The following OLFM4 variants were observed in gnomAD, a reference collection of about 807,000 sequenced individuals.
OLFM4 encodes the protein olfactomedin-4.
Under a neutral mutation model 25.5 loss-of-function variants are expected in OLFM4, and 22 were observed. The observed-to-expected ratio is 0.86, with a 90% CI of 0.62 to 1.23. The LOEUF (loss-of-function observed/expected upper bound fraction) is 1.23, where lower values mean the gene tolerates loss of function less well. Ranked by LOEUF, OLFM4 falls within the 50% of genes most tolerant of loss-of-function variation. The probability of loss-of-function intolerance (pLI) is 0.00; values close to 1 mark genes in which losing one functional copy is unlikely to be tolerated. For synonymous variants in OLFM4, 255 were observed against 237.7 expected (o/e 1.07, Z -0.67); for missense variants, 594 against 619.4 (o/e 0.96, Z 0.44).
At chr13:53,040,419 C>T (rs9568798) in intron 2 of OLFM4, among the ~76,000 whole-genome samples, 46,758 of 152,114 alleles carry the variant, frequency 0.31, 7,333 homozygotes, top group African/African-American at 0.35. Context: ...GGTTGGATCT[C>T]TATGCCACTT....
At chr13:53,037,865 A>G (rs1211588636) in intron 2 of OLFM4, among the ~76,000 whole-genome samples, 2 of 152,248 alleles carry the variant, frequency 1.3e-5, no homozygotes, top group Non-Finnish European at 2.9e-5. Context: ...TGGCAGAAAC[A>G]TGAACCAGAT....
In OLFM4 at chr13:53,050,835, T is replaced by G; in HGVS notation, c.*64T>G. 7.2e-7 allele frequency: 1 copy of G among 1,395,820 alleles called. No homozygotes were observed. Among genetic ancestry groups the G allele is most frequent in the South Asian group, 1.4e-5 (1 of 71,854 alleles). The allele number at this position is 1,395,820 out of a possible 1,614,324, so 86.5% of individuals were successfully genotyped here. A position where few individuals can be genotyped will look rare whatever the true frequency, so the allele number is the denominator to read the frequency against. Reference sequence around the variant, plus strand: ...GAAAAAATAGTCTTCTCCACTTACTTAGATATCTGCAGGGGTGTCTAAAAG... The same window carrying G: ...GAAAAAATAGTCTTCTCCACTTACTGAGATATCTGCAGGGGTGTCTAAAAG... On this transcript the variant is annotated 3_prime_UTR_variant, in exon 5 of 5. Transcript: ENST00000219022.
At chr13:53,040,037 A>C (rs1199524260) in intron 2 of OLFM4, among the ~76,000 whole-genome samples, 1 of 152,216 alleles carries the variant, frequency 6.6e-6, no homozygotes, top group East Asian at 1.9e-4. Context: ...GGCACTGTGG[A>C]TCAGCTACTT....
chr13:53,038,018 A>G (rs555095140), intron 2 of OLFM4, among the ~76,000 whole-genome samples: 2 of 152,336 alleles, frequency 1.3e-5, no homozygotes, highest in South Asian at 4.1e-4. Flanking sequence ...AACAAGCAAA[A>G]TAAAATGGAA....
At chr13:53,038,604 T>C (rs1461150023) in intron 2 of OLFM4, among the ~76,000 whole-genome samples, 1 of 152,214 alleles carries the variant, frequency 6.6e-6, no homozygotes, top group East Asian at 1.9e-4. Flanking sequence ...CTGTCATATA[T>C]GCAGTCTGTC....
chr13:53,034,232 A>G, intron 1 of OLFM4, 116 bp from the exon 2 acceptor site: 1 of 904,016 alleles, frequency 1.1e-6, no homozygotes, highest in Non-Finnish European at 1.7e-6. Flanking sequence ...TCATTTATGT[A>G]TTGGACTCCA....
At chr13:53,043,813 C>G (rs1367445902) in intron 4 of OLFM4, among the ~76,000 whole-genome samples, 5 of 152,098 alleles carry the variant, frequency 3.3e-5, no homozygotes, top group African/African-American at 1.2e-4. Flanking sequence ...AAGGAATGAC[C>G]CCACATATCA....
intron 2 of OLFM4, among the ~76,000 whole-genome samples, chr13:53,037,515 T>C (rs77461425): frequency 0.039 from 5,930 of 152,300 alleles, 133 homozygotes; most frequent in East Asian, 0.11. Context: ...TGTTTCTCTA[T>C]TAATTTCTAT....
At chr13:53,046,281 C>A (rs1348901615) in intron 4 of OLFM4, among the ~76,000 whole-genome samples, 1 of 151,922 alleles carries the variant, frequency 6.6e-6, no homozygotes, top group Non-Finnish European at 1.5e-5. Flanking sequence ...TTATTGGCTT[C>A]AAAAAAATGC....
chr13:53,037,799 A>G (rs1395101942), intron 2 of OLFM4, among the ~76,000 whole-genome samples: 1 of 152,244 alleles, frequency 6.6e-6, no homozygotes, highest in African/African-American at 2.4e-5. Flanking sequence ...GTTGCAAAGT[A>G]AACGTACTTA....
chr13:53,050,323 A>T lies in OLFM4; in HGVS notation c.1085A>T (p.Gln362Leu), dbSNP rs1166864982. The T allele has an allele frequency of 6.2e-7, 1 of 1,614,082 alleles. No individual in the cohort carries two copies. Among genetic ancestry groups the T allele is most frequent in the Non-Finnish European group, 8.5e-7 (1 of 1,179,970 alleles). ...NLTTNTIAVT[Q>L]TLPNAAYNNR... ...ACCACCAACACGATTGCTGTGACTC[A>T]AACTCTCCCTAATGCTGCCTATAAT... The change falls in exon 5 of 5, where the codon CAA (glutamine) becomes CTA (leucine). Residue 362 changes from glutamine (Q) to leucine (L), a missense_variant. Coordinates refer to ENST00000219022, the MANE Select transcript of OLFM4 (RefSeq NM_006418.5).
intron 2 of OLFM4, among the ~76,000 whole-genome samples, chr13:53,038,998 TAC>T (rs1566317260): frequency 2.0e-5 from 3 of 152,236 alleles, no homozygotes; most frequent in African/African-American, 7.2e-5. Flanking sequence ...AATGGATCTT[TAC>T]AGACCCTTCA....
At position 53,031,565 on chromosome 13, in the gene OLFM4, G is replaced by T. The variant is rs527802866; in HGVS notation, c.204+2525G>T. Among the ~76,000 whole-genome samples, 68 of 152,282 alleles carry T rather than the reference G, an allele frequency of 4.5e-4. 1 individual carries two copies. The South Asian group carries it at 0.012, about 26-fold the overall frequency. On this transcript the variant is annotated intron_variant, in intron 1 of 4. Coordinates refer to ENST00000219022, the MANE Select transcript of OLFM4 (RefSeq NM_006418.5). ...TCACAAGACTAGGAAAAGCCTCAAT[G>T]CTCACTCCACAGAGTAACTGGTATA...
At chr13:53,030,521 T>A (rs1055053027) in intron 1 of OLFM4, among the ~76,000 whole-genome samples, 1 of 152,172 alleles carries the variant, frequency 6.6e-6, no homozygotes, top group Non-Finnish European at 1.5e-5. Flanking sequence ...CAGGCTGGTC[T>A]CGAACTCCTG....
At chr13:53,043,485 A>G (rs1300630838) in intron 4 of OLFM4, among the ~76,000 whole-genome samples, 2 of 152,072 alleles carry the variant, frequency 1.3e-5, no homozygotes, top group African/African-American at 2.4e-5. Context: ...AAGAGCACAA[A>G]CAATGAGTTG....
chr13:53,039,832 G>A (rs1954678390), intron 2 of OLFM4, among the ~76,000 whole-genome samples: 1 of 152,180 alleles, frequency 6.6e-6, no homozygotes. Flanking sequence ...AGATACACTA[G>A]CAGTGCCAAG....
At position 53,040,158 on chromosome 13, in the gene OLFM4, C is replaced by A. The variant is rs192602701; in HGVS notation, c.358-1752C>A. On this transcript the variant is annotated intron_variant, in intron 2 of 4. Transcript: ENST00000219022. Reference sequence around the variant, plus strand: ...GTCCTTAAAAAAGCCATGGCATTTTCTTTAGAGATCAGACACAGAAAGAAC... The same window carrying A: ...GTCCTTAAAAAAGCCATGGCATTTTATTTAGAGATCAGACACAGAAAGAAC... Among the ~76,000 whole-genome samples the A allele has an allele frequency of 9.6e-4, 146 of 152,250 alleles. 1 individual carries two copies. The highest frequency in any genetic ancestry group is 1.6e-3 in the Non-Finnish European group (106 of 67,994).
At chr13:53,048,314 G>A (rs1376996438) in intron 4 of OLFM4, among the ~76,000 whole-genome samples, 1 of 152,074 alleles carries the variant, frequency 6.6e-6, no homozygotes, top group Non-Finnish European at 1.5e-5. Context: ...ATAAACCTGT[G>A]ACTGTGTTCT....
chr13:53,031,557 G>T (rs1463727722), intron 1 of OLFM4, among the ~76,000 whole-genome samples: 4 of 152,166 alleles, frequency 2.6e-5, no homozygotes, highest in Non-Finnish European at 5.9e-5. Context: ...ACTAGGAAAA[G>T]CCTCAATGCT....
Sources: allele counts gnomAD v4.1 joint callset (sites outside exome capture counted in the v4.1 genomes callset), GRCh38; gene constraint gnomAD v4.1.1; transcripts MANE v1.5; gene names NCBI Gene and HGNC (gene_info 2026-07-23, HGNC 2026-07-21).